Variants in APOL5 observed in about 807,000 individuals in gnomAD.
APOL5 encodes apolipoprotein L, 5.
Under a neutral mutation model 35.5 loss-of-function variants are expected in APOL5, and 29 were observed. That is an observed-to-expected ratio of 0.82 (90% confidence interval 0.61 to 1.11). The LOEUF (loss-of-function observed/expected upper bound fraction) is 1.11. Ranked by LOEUF, APOL5 falls within the 50% of genes most tolerant of loss-of-function variation. The pLI is 0.00. For synonymous variants in APOL5, 188 were observed against 200.2 expected (o/e 0.94, Z 0.51); for missense variants, 514 against 530.4 (o/e 0.97, Z 0.30).
upstream of APOL5, among the ~76,000 whole-genome samples, chr22:35,713,816 T>C (rs1440244721): frequency 6.6e-6 from 1 of 152,198 alleles, no homozygotes; most frequent in Non-Finnish European, 1.5e-5. Flanking sequence ...CTAGAGATTA[T>C]GAAGTGACTT....
chr22:35,728,377 C>T lies in APOL5; in HGVS notation c.1127-346C>T, dbSNP rs370739192. ...TAGCTGGGACTACAGGCGCCCGCCA[C>T]GACGCCTGGCTAATTTTTTGTATTT... On this transcript the variant is annotated intron_variant, in intron 3 of 4. Coordinates refer to ENST00000249044, the MANE Select transcript of APOL5 (RefSeq NM_030642.1). 4.6e-4 allele frequency among the ~76,000 whole-genome samples: 70 copies of T among 152,296 alleles called. 1 individual carries two copies. In the East Asian group the frequency reaches 0.01, roughly 22 times the overall value.
the APOL5 span, among the ~76,000 whole-genome samples, chr22:35,709,222 C>T: frequency 8.5e-5 from 13 of 152,168 alleles, no homozygotes; most frequent in Admixed American, 3.3e-4. Context: ...AAAGCTAATG[C>T]GATATAATCT....
At chr22:35,720,447 CTT>C in intron 1 of APOL5, 119 bp from the exon 2 acceptor site, 2 of 615,382 alleles carry the variant, frequency 3.3e-6, no homozygotes. Context: ...TTGTTGTATT[CTT>C]TTTTTTTTCT....
At chr22:35,722,524 C>G (rs1165570350) in intron 2 of APOL5, among the ~76,000 whole-genome samples, 2 of 152,180 alleles carry the variant, frequency 1.3e-5, no homozygotes, top group African/African-American at 4.8e-5. Context: ...TGGTCTCGAA[C>G]TCCTGACCTC....
chr22:35,715,641 A>G (rs556996211), upstream of APOL5, among the ~76,000 whole-genome samples: 3 of 152,336 alleles, frequency 2.0e-5, no homozygotes, highest in East Asian at 5.8e-4. Context: ...AAGACTGTGT[A>G]TCAAAAATTA....
rs757847808 is a variant in APOL5, at chr22:35,726,224, C to A, written c.156C>A (p.Asn52Lys). Residue 52 changes from asparagine to lysine, a missense_variant, in exon 3 of 5, where the codon AAC becomes AAA. Asn to Lys is a moderately conservative substitution (Grantham distance 94). Coordinates refer to ENST00000249044, the MANE Select transcript of APOL5 (RefSeq NM_030642.1). ...SPEPEFPSLVNLCQSWKINNL... is the reference protein window; with the variant it reads ...SPEPEFPSLVKLCQSWKINNL... ...AGATGTCTTTAGCCTCACTCGTGAA[C>A]CTGTGCCAGAGTTGGAAAATTAACA... The A allele has an allele frequency of 6.2e-7, 1 of 1,610,100 alleles. No homozygotes were observed. Among genetic ancestry groups the A allele is most frequent in the Non-Finnish European group, 8.5e-7 (1 of 1,176,534 alleles).
intron 2 of APOL5, among the ~76,000 whole-genome samples, chr22:35,721,680 G>T (rs1421232074): frequency 2.0e-5 from 3 of 152,044 alleles, no homozygotes; most frequent in Admixed American, 2.0e-4. Flanking sequence ...TTCCTTCCTG[G>T]GTCTGCCTTC....
chr22:35,726,772 A>G lies in APOL5; in HGVS notation c.704A>G (p.Lys235Arg). ...AAGFCVNKCV[K>R]AIQGIKDLHA... ...GGCTTTTGTGTTAATAAGTGTGTAA[A>G]AGCTATCCAGGGCATCAAGGATCTT... Residue 235 changes from lysine (K) to arginine (R), a missense_variant, in exon 3 of 5, where the codon AAA (lysine) becomes AGA (arginine). Coordinates refer to ENST00000249044, the MANE Select transcript of APOL5 (RefSeq NM_030642.1). The G allele has an allele frequency of 6.2e-7, 1 of 1,614,162 alleles. No homozygotes were observed. The highest frequency in any genetic ancestry group is 8.5e-7 in the Non-Finnish European group (1 of 1,180,028).
intron 2 of APOL5, 101 bp from the exon 3 acceptor site, chr22:35,726,108 ACT>A: frequency 7.4e-7 from 1 of 1,345,338 alleles, no homozygotes; most frequent in Admixed American, 2.2e-5. Context: ...TAATTTCCCC[ACT>A]GTTAGAATTT....
intron 2 of APOL5, among the ~76,000 whole-genome samples, chr22:35,725,000 T>G (rs1249683117): frequency 8.5e-5 from 13 of 152,202 alleles, no homozygotes; most frequent in Admixed American, 8.5e-4. Flanking sequence ...TAGTTTGAAC[T>G]GTGCTCCTGC....
intron 1 of APOL5, among the ~76,000 whole-genome samples, chr22:35,719,951 G>A (rs1206662913): frequency 1.3e-5 from 2 of 152,232 alleles, no homozygotes; most frequent in African/African-American, 4.8e-5. Context: ...TCTTCCCCTG[G>A]ATTTGGGCCA....
upstream of APOL5, chr22:35,717,764 A>G (rs1601893826): frequency 3.9e-5 from 18 of 457,846 alleles, no homozygotes; most frequent in East Asian, 1.6e-4. Flanking sequence ...GAAAGAAAAG[A>G]AAAGAAAAAA....
chr22:35,719,125 T>C (rs5999970), intron 1 of APOL5, among the ~76,000 whole-genome samples: 56,799 of 151,770 alleles, frequency 0.37, 11,441 homozygotes, highest in African/African-American at 0.52. Flanking sequence ...ATAAAAGCCA[T>C]GCGAAAAATA....
chr22:35,721,113 A>G (rs1205077050), intron 2 of APOL5, among the ~76,000 whole-genome samples: 1 of 152,248 alleles, frequency 6.6e-6, no homozygotes, highest in Non-Finnish European at 1.5e-5. Context: ...CCACCTTCAT[A>G]GGATGAAACA....
chr22:35,716,976 C>T (rs1033492819), upstream of APOL5, among the ~76,000 whole-genome samples: 1 of 97,448 alleles, frequency 1.0e-5, no homozygotes, highest in African/African-American at 4.8e-5. Context: ...ACTGGATGAA[C>T]ATCCATACAC....
At chr22:35,714,489 G>C (rs1451494410), upstream of APOL5, among the ~76,000 whole-genome samples, 9 of 152,288 alleles carry the variant, frequency 5.9e-5, no homozygotes, top group East Asian at 9.6e-4. Flanking sequence ...CCTCGAGGGA[G>C]ATATTAGCAT....
chr22:35,722,272 C>G (rs1168794112), intron 2 of APOL5, among the ~76,000 whole-genome samples: 1 of 152,132 alleles, frequency 6.6e-6, no homozygotes, highest in Admixed American at 6.6e-5. Context: ...ATGATTTTTC[C>G]TATCTTGGGG....
At chr22:35,718,657 AT>A (rs1295114699) in intron 1 of APOL5, among the ~76,000 whole-genome samples, 4 of 152,186 alleles carry the variant, frequency 2.6e-5, no homozygotes, top group Non-Finnish European at 5.9e-5. Flanking sequence ...TTCTATAAAC[AT>A]GACAATACAT....
the APOL5 span, among the ~76,000 whole-genome samples, chr22:35,711,738 T>C: frequency 6.9e-6 from 1 of 145,544 alleles, no homozygotes; most frequent in Non-Finnish European, 1.5e-5. Flanking sequence ...TGCAGTGGCA[T>C]GATCTCAGCT....
Sources: allele counts gnomAD v4.1 joint callset (sites outside exome capture counted in the v4.1 genomes callset), GRCh38; gene constraint gnomAD v4.1.1; transcripts MANE v1.5; gene names NCBI Gene and HGNC (gene_info 2026-07-23, HGNC 2026-07-21).